Variants in SH2D4A observed in about 807,000 individuals in gnomAD.
SH2D4A encodes SH2 domain-containing protein 4A.
Under a neutral mutation model 64.7 loss-of-function variants are expected in SH2D4A, and 70 were observed. The observed-to-expected ratio is 1.08, with a 90% CI of 0.89 to 1.32. The LOEUF is 1.32. Among genes scored for constraint, SH2D4A ranks in the 40% most tolerant of loss-of-function variants. The pLI is 0.00. For synonymous variants in SH2D4A, 268 were observed against 200.7 expected (o/e 1.34, Z -2.83); for missense variants, 706 against 540.1 (o/e 1.31, Z -3.04).
At chr8:19,339,831 G>C (rs1045628193) in intron 4 of SH2D4A, among the ~76,000 whole-genome samples, 1 of 152,032 alleles carries the variant, frequency 6.6e-6, no homozygotes, top group African/African-American at 2.4e-5. Flanking sequence ...TAAATGTATC[G>C]ACAGTGAGGA....
intron 4 of SH2D4A, among the ~76,000 whole-genome samples, chr8:19,336,252 A>G (rs565429036): frequency 3.3e-5 from 5 of 152,158 alleles, no homozygotes; most frequent in Non-Finnish European, 7.3e-5. Flanking sequence ...AATATTAACT[A>G]CTAACTCCTT....
chr8:19,383,923 A>G (rs142210392), intron 8 of SH2D4A, among the ~76,000 whole-genome samples: 1 of 152,328 alleles, frequency 6.6e-6, no homozygotes, highest in African/African-American at 2.4e-5. Flanking sequence ...TAATACATCT[A>G]TGTCATAGGG....
intron 4 of SH2D4A, 138 bp from the exon 5 acceptor site, chr8:19,357,065 G>A (rs972178073): frequency 7.6e-6 from 5 of 656,654 alleles, no homozygotes; most frequent in African/African-American, 5.4e-5. Context: ...AGGAACTCAG[G>A]TGCCAGTGGG....
intron 4 of SH2D4A, among the ~76,000 whole-genome samples, chr8:19,344,054 G>A (rs2052572220): frequency 6.6e-6 from 1 of 152,182 alleles, no homozygotes. Flanking sequence ...TGTCTGGGAC[G>A]AAGAAAGGTA....
intron 4 of SH2D4A, among the ~76,000 whole-genome samples, chr8:19,354,024 C>G (rs941147207): frequency 4.8e-5 from 7 of 145,174 alleles, no homozygotes; most frequent in Non-Finnish European, 7.5e-5. Context: ...CACGGAGTCT[C>G]ACGGTCACCA....
chr8:19,332,774 C>T (rs2052383875), intron 2 of SH2D4A, among the ~76,000 whole-genome samples, 181 bp from the exon 3 acceptor site: 1 of 151,682 alleles, frequency 6.6e-6, no homozygotes, highest in Admixed American at 6.6e-5. Context: ...GAAGCTGCCT[C>T]TCACTGCCAC....
chr8:19,334,686 A>G lies in SH2D4A; in HGVS notation c.342A>G (p.Arg114=). Residue 114 remains arginine (R), a splice_region_variant and synonymous_variant, in exon 4 of 10, where the codon AGA becomes AGG. Coordinates refer to ENST00000265807, the MANE Select transcript of SH2D4A (RefSeq NM_022071.4). ...GAATTTCACTTTTGCCTCTCTTCAGAAAAACTCACTCTGAAGAATTCACCA... is the reference window on the plus strand; with the variant it reads ...GAATTTCACTTTTGCCTCTCTTCAGGAAAACTCACTCTGAAGAATTCACCA... ...LKAEQEAEEP[R]KTHSEEFTNS... The G allele has an allele frequency of 6.3e-7, 1 of 1,591,686 alleles. No individual in the cohort carries two copies. Among genetic ancestry groups the G allele is most frequent in the Admixed American group, 1.9e-5 (1 of 53,672 alleles).
chr8:19,327,395 A>G (rs556128753), intron 2 of SH2D4A, among the ~76,000 whole-genome samples: 10 of 152,332 alleles, frequency 6.6e-5, no homozygotes, highest in Non-Finnish European at 1.3e-4. Context: ...TCAACTAGGA[A>G]AAGACACGTG....
chr8:19,388,742 G>C (rs1461440688), intron 8 of SH2D4A, among the ~76,000 whole-genome samples: 5 of 152,206 alleles, frequency 3.3e-5, no homozygotes, highest in Admixed American at 6.5e-5. Flanking sequence ...GGCAGTGGCT[G>C]CACGGAAGTG....
intron 1 of SH2D4A, 118 bp downstream of exon 1, chr8:19,313,941 C>A (rs2052039389): frequency 2.3e-6 from 3 of 1,276,798 alleles, no homozygotes; most frequent in Non-Finnish European, 3.0e-6. Flanking sequence ...CCAGAGCGGG[C>A]GGGCGGAAGC....
chr8:19,360,668 G>A (rs1231033713), intron 5 of SH2D4A: 1 of 152,104 alleles, frequency 6.6e-6, no homozygotes, highest in Non-Finnish European at 1.5e-5. Context: ...CATGTAGTAA[G>A]TACCACATTT....
intron 4 of SH2D4A, among the ~76,000 whole-genome samples, chr8:19,342,162 A>C (rs2052539538): frequency 6.6e-6 from 1 of 152,148 alleles, no homozygotes. Context: ...TGGGCATGAG[A>C]GTATTCAGTC....
In SH2D4A at chr8:19,319,894, T is replaced by TAC. The variant is rs143208012; in HGVS notation, c.181+180_181+181dup. 3.5e-3 allele frequency among the ~76,000 whole-genome samples: 530 copies of TAC among 151,622 alleles called. 5 individuals carry two copies. Among genetic ancestry groups the TAC allele is most frequent in the African/African-American group, 0.012 (480 of 41,412 alleles). On this transcript the variant is annotated intron_variant, in intron 2 of 9. Coordinates refer to ENST00000265807, the MANE Select transcript of SH2D4A (RefSeq NM_022071.4). The stretch of plus-strand genomic sequence containing the variant: ...TAGTGCAGTATGTCCACCTGAAGTC[T>TAC]ACACACACACACACAGCATTCACCA...
At chr8:19,330,779 A>G (rs2052355120) in intron 2 of SH2D4A, among the ~76,000 whole-genome samples, 1 of 152,100 alleles carries the variant, frequency 6.6e-6, no homozygotes, top group South Asian at 2.1e-4. Context: ...AAAAAAAAAT[A>G]CCGACAGAGA....
intron 7 of SH2D4A, among the ~76,000 whole-genome samples, chr8:19,365,730 A>G (rs2052982250): frequency 6.6e-6 from 1 of 152,160 alleles, no homozygotes; most frequent in African/African-American, 2.4e-5. Flanking sequence ...TTTGTGAGTC[A>G]GACTGGGTGG....
chr8:19,376,715 T>C lies in SH2D4A; in HGVS notation c.1048+3055T>C, dbSNP rs574595017. Among the ~76,000 whole-genome samples, 88 of 152,280 alleles carry C rather than the reference T, an allele frequency of 5.8e-4. No homozygotes were observed. In the South Asian group the frequency reaches 8.3e-3, roughly 14 times the overall value. On this transcript the variant is annotated intron_variant, in intron 8 of 9. Coordinates refer to ENST00000265807, the MANE Select transcript of SH2D4A (RefSeq NM_022071.4). ...ACTTTTGACCAAATATCTGGGACCA[T>C]GGCCCAGTCAAGTTGACCCATAAAA...
At chr8:19,325,343 C>T (rs558761916) in intron 2 of SH2D4A, among the ~76,000 whole-genome samples, 141 of 152,276 alleles carry the variant, frequency 9.3e-4, no homozygotes, top group Middle Eastern at 3.4e-3. Context: ...CACAAGGATC[C>T]GGTCAGGTAA....
chr8:19,366,626 A>G (rs1006382782), intron 7 of SH2D4A, among the ~76,000 whole-genome samples: 1 of 152,038 alleles, frequency 6.6e-6, no homozygotes. Flanking sequence ...GAAACCCCGT[A>G]TTTACTAAAA....
intron 9 of SH2D4A, 35 bp from the exon 10 acceptor site, chr8:19,394,515 T>C (rs2053553728): frequency 6.8e-7 from 1 of 1,480,720 alleles, no homozygotes; most frequent in Non-Finnish European, 9.3e-7. Flanking sequence ...TGGTCACTAC[T>C]TACACTATCT....
Sources: allele counts gnomAD v4.1 joint callset (sites outside exome capture counted in the v4.1 genomes callset), GRCh38; gene constraint gnomAD v4.1.1; transcripts MANE v1.5; gene names NCBI Gene and HGNC (gene_info 2026-07-23, HGNC 2026-07-21).